AFF1: variants seen among roughly 807,000 people sequenced by gnomAD.
AFF1 encodes the protein ALF transcription elongation factor 1.
A neutral mutation model predicts 121.7 loss-of-function variants in AFF1; 48 were observed. The ratio of observed to expected loss-of-function variants is 0.39; its 90% CI spans 0.31 to 0.50. AFF1 has a LOEUF of 0.50. Among genes scored for constraint, AFF1 ranks in the 20% least tolerant of loss-of-function variants. The pLI is 0.76. For missense variants in AFF1, 1,523 were observed against 1,511.7 expected (o/e 1.01, Z -0.12); for synonymous variants, 613 against 563.0 (o/e 1.09, Z -1.26).
chr4:87,067,005 A>T (rs1721428347), intron 4 of AFF1, among the ~76,000 whole-genome samples: 1 of 152,236 alleles, frequency 6.6e-6, no homozygotes, highest in African/African-American at 2.4e-5. Flanking sequence ...AGAGGAGGAG[A>T]TGTAATCAAA....
intron 4 of AFF1, among the ~76,000 whole-genome samples, chr4:87,048,844 A>G (rs530878939): frequency 6.6e-6 from 1 of 152,286 alleles, no homozygotes; most frequent in African/African-American, 2.4e-5. Flanking sequence ...AATGACCAAG[A>G]TGGCAGAACT....
chr4:86,971,879 A>G (rs867504390), intron 2 of AFF1, among the ~76,000 whole-genome samples: 1 of 152,218 alleles, frequency 6.6e-6, no homozygotes, highest in Non-Finnish European at 1.5e-5. Context: ...GCTTATGCCT[A>G]TTATCCCAGC....
intron 2 of AFF1, among the ~76,000 whole-genome samples, chr4:87,035,115 T>C (rs1729429336): frequency 6.6e-6 from 1 of 152,166 alleles, no homozygotes; most frequent in African/African-American, 2.4e-5. Flanking sequence ...GGAAGACTTT[T>C]GAAAGGCAAC....
chr4:86,941,930 C>T (rs1025111099), intron 1 of AFF1, among the ~76,000 whole-genome samples: 5 of 151,634 alleles, frequency 3.3e-5, no homozygotes, highest in African/African-American at 1.2e-4. Context: ...CTCCGAACAC[C>T]TTTCCAATCC....
chr4:87,093,508 G>A (rs1724524890), intron 7 of AFF1, among the ~76,000 whole-genome samples: 1 of 152,146 alleles, frequency 6.6e-6, no homozygotes, highest in Non-Finnish European at 1.5e-5. Flanking sequence ...AGTCTCTGGA[G>A]AGGGGAGGTA....
intron 2 of AFF1, among the ~76,000 whole-genome samples, chr4:86,980,586 A>G (rs1330194679): frequency 6.6e-6 from 1 of 152,214 alleles, no homozygotes; most frequent in Non-Finnish European, 1.5e-5. Context: ...CTGTTGCATA[A>G]TCTCTAAGAG....
chr4:87,094,157 CCTCT>C (rs1300881341), intron 7 of AFF1, among the ~76,000 whole-genome samples: 1 of 152,114 alleles, frequency 6.6e-6, no homozygotes, highest in Admixed American at 6.5e-5. Context: ...TTCCCACTGT[CCTCT>C]CTCTCTTGCC....
intron 2 of AFF1, among the ~76,000 whole-genome samples, chr4:87,008,728 C>T (rs1273792251): frequency 6.6e-6 from 1 of 151,684 alleles, no homozygotes. Context: ...ACAATTGTTG[C>T]AGATGTCTTC....
chr4:87,074,232 C>A (rs1028831132), intron 4 of AFF1, among the ~76,000 whole-genome samples: 1 of 152,016 alleles, frequency 6.6e-6, no homozygotes, highest in Non-Finnish European at 1.5e-5. Flanking sequence ...TAGCTTAGGC[C>A]ATTTGAAAGG....
In AFF1 at chr4:87,093,972, A is replaced by G. The variant is rs185573536; in HGVS notation, c.1229-943A>G. Among the ~76,000 whole-genome samples the G allele has an allele frequency of 1.2e-3, 190 of 152,216 alleles. 1 individual carries two copies. Among genetic ancestry groups the G allele is most frequent in the Admixed American group, 2.1e-3 (32 of 15,290 alleles). On this transcript the variant is annotated intron_variant, in intron 7 of 20. Transcript: ENST00000395146. ...AATCCTTCTGAGGAATCACTGTGTC[A>G]TGTTCCTGTTTAGATCATTGATGTG...
At chr4:87,036,830 T>TC in intron 2 of AFF1, 1 of 465,132 alleles carries the variant, frequency 2.1e-6, no homozygotes, top group Admixed American at 2.2e-5. Flanking sequence ...CTCTCTCCCC[T>TC]CCCCCATCCC....
At chr4:87,010,326 T>C (rs1215267099) in intron 2 of AFF1, among the ~76,000 whole-genome samples, 3 of 152,250 alleles carry the variant, frequency 2.0e-5, no homozygotes, top group African/African-American at 7.2e-5. Context: ...TTTGGTTTAT[T>C]GTATTCCTAG....
chr4:87,127,078 G>A lies in AFF1; in HGVS notation c.2864G>A (p.Gly955Asp). ...TTTCCAGTGCCTTCTTTGCCAAATG[G>A]TAACTCTAAACCAGGGAAGCCTCAA... The part of the protein sequence containing the change: ...NPFPVPSLPN[G>D]NSKPGKPQVK... The change falls in exon 15 of 21, where the codon GGT becomes GAT. Residue 955 changes from glycine (G) to aspartate (D), a missense_variant. Gly to Asp is a moderately conservative substitution (Grantham distance 94, BLOSUM62 -1). This residue lies in a region of AFF1 where 905 missense variants were observed against 842.5 expected (regional missense o/e 1.07). Transcript: ENST00000395146. 6.2e-7 allele frequency: 1 copy of A among 1,613,378 alleles called. No individual in the cohort carries two copies. The highest frequency in any genetic ancestry group is 8.5e-7 in the Non-Finnish European group (1 of 1,179,750).
At chr4:86,981,812 C>T (rs1182481544) in intron 2 of AFF1, among the ~76,000 whole-genome samples, 1 of 152,218 alleles carries the variant, frequency 6.6e-6, no homozygotes, top group African/African-American at 2.4e-5. Flanking sequence ...AAATAACAGA[C>T]GTGCATCACG....
chr4:87,085,584 T>C (rs1474231395), intron 5 of AFF1, among the ~76,000 whole-genome samples: 1 of 152,302 alleles, frequency 6.6e-6, no homozygotes, highest in African/African-American at 2.4e-5. Flanking sequence ...ATGGTGGTAC[T>C]AAAACCAGTA....
In AFF1 at chr4:87,022,581, T is replaced by TACAC. The variant is rs1290825034; in HGVS notation, c.39-23584_39-23583insCACA. 2.7e-4 allele frequency among the ~76,000 whole-genome samples: 24 copies of TACAC among 89,960 alleles called. 1 individual carries two copies. The highest frequency in any genetic ancestry group is 9.3e-4 in the African/African-American group (18 of 19,346). 59.0% of individuals were successfully genotyped at this position (89,960 alleles called of 152,430 possible). A position where few individuals can be genotyped will look rare whatever the true frequency, so the allele number is the denominator to read the frequency against. ...ATATATATATATATATATATATATATATCTATCTATATCTATCTGTGTGTA... is the reference window on the plus strand; with the variant it reads ...ATATATATATATATATATATATATATACACATCTATCTATATCTATCTGTGTGTA... On this transcript the variant is annotated intron_variant, in intron 2 of 20. Coordinates refer to ENST00000395146, the MANE Select transcript of AFF1 (RefSeq NM_001166693.3).
intron 1 of AFF1, among the ~76,000 whole-genome samples, chr4:86,936,698 A>G (rs1720031193): frequency 6.6e-6 from 1 of 152,152 alleles, no homozygotes; most frequent in African/African-American, 2.4e-5. Flanking sequence ...ACTTGAGTGG[A>G]TATTCCGGAA....
chr4:87,081,297 G>T (rs1301709052), intron 4 of AFF1, among the ~76,000 whole-genome samples: 1 of 151,390 alleles, frequency 6.6e-6, no homozygotes, highest in African/African-American at 2.4e-5. Flanking sequence ...TAGTAGCTGG[G>T]ACTACAGGCA....
At chr4:86,957,124 G>A (rs1333094539) in intron 2 of AFF1, among the ~76,000 whole-genome samples, 1 of 152,148 alleles carries the variant, frequency 6.6e-6, no homozygotes, top group Non-Finnish European at 1.5e-5. Context: ...CAGGCATTTG[G>A]CATTATATCA....
Sources: allele counts gnomAD v4.1 joint callset (sites outside exome capture counted in the v4.1 genomes callset), GRCh38; gene constraint gnomAD v4.1.1; regional missense constraint gnomAD v4.1.1; transcripts MANE v1.5; gene names NCBI Gene and HGNC (gene_info 2026-07-23, HGNC 2026-07-21).